Variants in DSCAM observed in about 807,000 individuals in gnomAD.
DSCAM encodes the protein DS cell adhesion molecule.
In DSCAM, 47 loss-of-function variants were observed where a neutral mutation model predicts 217.7. That is an observed-to-expected ratio of 0.22 (90% CI 0.17 to 0.28). The LOEUF (loss-of-function observed/expected upper bound fraction) is 0.28, where lower values mean the gene tolerates loss of function less well. DSCAM is among the 10% of genes least tolerant of loss of function. The pLI is 1.00. For missense variants in DSCAM, 2,080 were observed against 2,618.3 expected (o/e 0.79, Z 4.49); for synonymous variants, 1,056 against 1,015.3 (o/e 1.04, Z -0.76).
chr21:40,559,884 C>G (rs1055719096), intron 3 of DSCAM, among the ~76,000 whole-genome samples: 1 of 151,248 alleles, frequency 6.6e-6, no homozygotes, highest in African/African-American at 2.4e-5. Flanking sequence ...GCTCCGCCTC[C>G]CGAGTTCACG....
At chr21:40,123,888 C>T (rs1021101485) in intron 20 of DSCAM, among the ~76,000 whole-genome samples, 1 of 152,130 alleles carries the variant, frequency 6.6e-6, no homozygotes, top group Non-Finnish European at 1.5e-5. Flanking sequence ...TGTCCACTGA[C>T]TATCAATTAA....
chr21:40,094,651 C>T (rs1052468144), intron 20 of DSCAM, among the ~76,000 whole-genome samples: 2 of 152,178 alleles, frequency 1.3e-5, no homozygotes, highest in Non-Finnish European at 2.9e-5. Context: ...GGTTGGAAAA[C>T]ATCAAGATTC....
intron 3 of DSCAM, among the ~76,000 whole-genome samples, chr21:40,427,463 G>C (rs113051480): frequency 1.3e-3 from 195 of 152,336 alleles, no homozygotes; most frequent in Non-Finnish European, 2.0e-3. Context: ...ATCTGGGTCA[G>C]TATCAGGATC....
chr21:40,101,557 A>G (rs140783403), intron 20 of DSCAM, among the ~76,000 whole-genome samples: 1 of 152,158 alleles, frequency 6.6e-6, no homozygotes, highest in African/African-American at 2.4e-5. Flanking sequence ...TCCCATAAGA[A>G]GCATGCAGTA....
intron 16 of DSCAM, among the ~76,000 whole-genome samples, chr21:40,154,443 G>A (rs894050911): frequency 6.6e-6 from 1 of 151,928 alleles, no homozygotes; most frequent in African/African-American, 2.4e-5. Context: ...TTGTAGAGAT[G>A]GGTTTTTGCC....
At chr21:40,400,465 T>C (rs1160319) in intron 3 of DSCAM, among the ~76,000 whole-genome samples, 4 of 152,070 alleles carry the variant, frequency 2.6e-5, no homozygotes, top group Non-Finnish European at 4.4e-5. Flanking sequence ...GTTTTAATAG[T>C]CTTTGTAAGT....
At chr21:40,026,712 T>C in intron 32 of DSCAM, among the ~76,000 whole-genome samples, 1 of 148,384 alleles carries the variant, frequency 6.7e-6, no homozygotes, top group African/African-American at 2.5e-5. Flanking sequence ...TTTTTTTGTT[T>C]TCCATTTGCT....
intron 11 of DSCAM, among the ~76,000 whole-genome samples, chr21:40,265,781 G>A (rs954703251): frequency 1.3e-5 from 2 of 152,090 alleles, no homozygotes; most frequent in Non-Finnish European, 2.9e-5. Context: ...TTCAATAAAC[G>A]GTGCTGGGAA....
chr21:40,103,111 A>G (rs765039154), intron 20 of DSCAM, among the ~76,000 whole-genome samples: 1 of 152,252 alleles, frequency 6.6e-6, no homozygotes, highest in Non-Finnish European at 1.5e-5. Context: ...AATAATGAGG[A>G]TAAAATGACT....
In DSCAM at chr21:40,301,590, T is replaced by C. The variant is rs187114983; in HGVS notation, c.2063-5416A>G. ...GTGCTTCTCTGAGGCCTTAATTACT[T>C]ACCATAGCCTTTATTACGCTCATCT... On this transcript the variant is annotated intron_variant, in intron 9 of 32. Coordinates refer to ENST00000400454, the MANE Select transcript of DSCAM (RefSeq NM_001389.5). 8.1e-4 allele frequency among the ~76,000 whole-genome samples: 123 copies of C among 152,320 alleles called. 4 individuals carry two copies. Among genetic ancestry groups the C allele is most frequent in the African/African-American group, 2.8e-3 (117 of 41,554 alleles).
intron 3 of DSCAM, among the ~76,000 whole-genome samples, chr21:40,539,202 T>G (rs2076523845): frequency 6.6e-6 from 1 of 152,110 alleles, no homozygotes; most frequent in Non-Finnish European, 1.5e-5. Flanking sequence ...TGAGATTTGT[T>G]AGAAAAATTG....
chr21:40,240,426 A>G (rs1426941163), intron 11 of DSCAM, among the ~76,000 whole-genome samples: 1 of 140,230 alleles, frequency 7.1e-6, no homozygotes, highest in Non-Finnish European at 1.5e-5. Context: ...GCATACAGAT[A>G]GATAGATATT....
chr21:40,505,689 T>C (rs2076204786), intron 3 of DSCAM, among the ~76,000 whole-genome samples: 1 of 152,218 alleles, frequency 6.6e-6, no homozygotes, highest in Admixed American at 6.5e-5. Context: ...AGGGTGGCTG[T>C]CAGAAACTTC....
intron 3 of DSCAM, among the ~76,000 whole-genome samples, chr21:40,456,181 T>C (rs1490930030): frequency 1.3e-5 from 2 of 151,928 alleles, no homozygotes; most frequent in South Asian, 4.1e-4. Context: ...AATATGCAGA[T>C]GAAAATGATC....
chr21:40,146,002 G>A (rs560464013), intron 16 of DSCAM, among the ~76,000 whole-genome samples: 3 of 150,644 alleles, frequency 2.0e-5, no homozygotes, highest in Non-Finnish European at 4.4e-5. Flanking sequence ...ATGTACATAT[G>A]TATGTATATA....
intron 1 of DSCAM, among the ~76,000 whole-genome samples, chr21:40,739,675 G>A (rs1601196072): frequency 1.3e-5 from 2 of 152,102 alleles, no homozygotes. Context: ...GGTACTGGGG[G>A]TTAGGAATTC....
chr21:40,271,817 A>G (rs989257693), intron 11 of DSCAM, among the ~76,000 whole-genome samples: 3 of 152,186 alleles, frequency 2.0e-5, no homozygotes, highest in Non-Finnish European at 4.4e-5. Flanking sequence ...ACACAAATGT[A>G]TAACTGAACG....
intron 3 of DSCAM, among the ~76,000 whole-genome samples, chr21:40,548,682 T>C (rs1248659340): frequency 6.6e-6 from 1 of 152,188 alleles, no homozygotes; most frequent in Non-Finnish European, 1.5e-5. Flanking sequence ...CAAAATTGAA[T>C]AGAATGTGTT....
At chr21:40,309,035 A>AT (rs1170221703) in intron 9 of DSCAM, among the ~76,000 whole-genome samples, 2 of 151,956 alleles carry the variant, frequency 1.3e-5, no homozygotes, top group African/African-American at 2.4e-5. Context: ...CTTGACACAT[A>AT]TTTTTTTCCT....
Sources: gnomAD v4.1 joint callset for allele counts (sites outside exome capture counted in the v4.1 genomes callset) on GRCh38, gnomAD v4.1.1 for gene constraint, MANE v1.5 for transcripts, NCBI Gene and HGNC (gene_info 2026-07-23, HGNC 2026-07-21) for gene names.